Variants in SLC3A1 observed in about 807,000 individuals in gnomAD.
The protein encoded by SLC3A1 is solute carrier family 3 member 1.
SLC3A1 carries 78 observed loss-of-function variants against 60.3 expected under a neutral mutation model. The observed-to-expected ratio is 1.29, with a 90% CI of 1.08 to 1.56. The LOEUF (loss-of-function observed/expected upper bound fraction) is 1.56, where lower values mean the gene tolerates loss of function less well. Among genes scored for constraint, SLC3A1 ranks in the 40% most tolerant of loss-of-function variants. The probability of loss-of-function intolerance (pLI) is 0.00; values close to 1 mark genes in which losing one functional copy is unlikely to be tolerated. For missense variants in SLC3A1, 1,172 were observed against 858.9 expected, an observed-to-expected ratio of 1.36 and a Z score of -4.56; for synonymous variants, 392 against 307.9, an observed-to-expected ratio of 1.27 and a Z score of -2.86.
intron 7 of SLC3A1, among the ~76,000 whole-genome samples, chr2:44,305,242 G>A (rs1463346269): frequency 6.6e-6 from 1 of 152,160 alleles, no homozygotes; most frequent in East Asian, 1.9e-4. Flanking sequence ...ACCCATCAGG[G>A]TTGCTTTCCC....
rs766610527 is a variant in SLC3A1, at chr2:44,275,613, T to G, written c.78T>G (p.His26Gln). Residue 26 changes from histidine (H) to glutamine (Q), a missense_variant, in exon 1 of 10, where the codon CAT becomes CAG. Physicochemically the swap from His to Gln is conservative, Grantham distance 24. Transcript: ENST00000260649. ...KGCQTNNGFV[H>Q]NEDILEQTPD... ...GCCAGACAAACAACGGGTTTGTCCA[T>G]AATGAAGACATTCTGGAGCAGACCC... is the stretch of plus-strand genomic sequence containing the variant. 6.2e-7 allele frequency: 1 copy of G among 1,613,852 alleles called. No homozygotes were observed. Among genetic ancestry groups the G allele is most frequent in the African/African-American group, 1.3e-5 (1 of 75,038 alleles).
intron 2 of SLC3A1, among the ~76,000 whole-genome samples, chr2:44,281,155 C>G (rs948524702): frequency 4.0e-5 from 5 of 125,580 alleles, no homozygotes; most frequent in Non-Finnish European, 8.0e-5. Context: ...CTCTCCTTTC[C>G]CTGCTTTTTT....
At chr2:44,281,203 G>C (rs1399383251) in intron 2 of SLC3A1, among the ~76,000 whole-genome samples, 184 bp from the exon 3 acceptor site, 4 of 119,830 alleles carry the variant, frequency 3.3e-5, no homozygotes, top group African/African-American at 1.3e-4. Context: ...CTGTCTCCCA[G>C]GCTGGAGTGC....
chr2:44,306,090 T>G (rs1054753521), intron 7 of SLC3A1, among the ~76,000 whole-genome samples: 1 of 152,136 alleles, frequency 6.6e-6, no homozygotes, highest in Non-Finnish European at 1.5e-5. Flanking sequence ...CTGGTGCTGT[T>G]GTTATTCGTA....
intron 4 of SLC3A1, among the ~76,000 whole-genome samples, chr2:44,288,241 G>C (rs1054678435): frequency 7.9e-5 from 12 of 152,148 alleles, no homozygotes; most frequent in Admixed American, 4.6e-4. Flanking sequence ...GGCCAGGCTG[G>C]TCTCAAACTC....
At position 44,304,288 on chromosome 2, in the gene SLC3A1, A is replaced by C. The variant is rs774182830; in HGVS notation, c.1282A>C (p.Ile428Leu). 6.2e-7 allele frequency: 1 copy of C among 1,614,224 alleles called. No homozygotes were observed. The highest frequency in any genetic ancestry group is 1.7e-5 in the Admixed American group (1 of 60,026). The change falls in exon 7 of 10, where the codon ATC becomes CTC. Residue 428 changes from isoleucine (I) to leucine (L), a missense_variant. Ile to Leu is a conservative substitution (Grantham distance 5). Coordinates refer to ENST00000260649, the MANE Select transcript of SLC3A1 (RefSeq NM_000341.4). ...TVSGNSVYEV[I>L]TSWMENMPEG... is the part of the protein sequence containing the mutation. ...TTCTGGGAACAGCGTGTATGAGGTT[A>C]TCACATCCTGGATGGAAAACATGCC...
downstream of SLC3A1, among the ~76,000 whole-genome samples, chr2:44,322,350 TGGGCACTGATGG>T (rs1673057374): frequency 6.6e-6 from 1 of 152,184 alleles, no homozygotes; most frequent in African/African-American, 2.4e-5. Context: ...CTAAACAGTT[TGGGCACTGATGG>T]CCCAAAACAA....
chr2:44,312,478 G>T, intron 7 of SLC3A1, 108 bp from the exon 8 acceptor site: 1 of 1,185,608 alleles, frequency 8.4e-7, no homozygotes, highest in Non-Finnish European at 1.3e-6. Context: ...TAGTACCAAG[G>T]TACCACATCT....
chr2:44,309,174 A>G (rs1456798166), intron 7 of SLC3A1, among the ~76,000 whole-genome samples: 1 of 152,194 alleles, frequency 6.6e-6, no homozygotes, highest in Non-Finnish European at 1.5e-5. Context: ...AACTTTTATC[A>G]TCCCAAACAG....
At chr2:44,282,431 C>A (rs930786677) in intron 3 of SLC3A1, among the ~76,000 whole-genome samples, 1 of 151,978 alleles carries the variant, frequency 6.6e-6, no homozygotes, top group African/African-American at 2.4e-5. Context: ...GCAGCAAACT[C>A]GACTTCACAG....
In SLC3A1 at chr2:44,320,573, T is replaced by C. The variant is rs761263537; in HGVS notation, c.1992T>C (p.Asp664=). The part of the protein sequence containing the change: ...NLLHRQTAFR[D]RCFVSNRACY... The stretch of plus-strand genomic sequence containing the variant: ...TTCATCGCCAAACAGCTTTCAGAGA[T>C]AGATGCTTTGTTTCCAATCGAGCAT... Residue 664 remains aspartate (D), a synonymous_variant, in exon 10 of 10, where the codon GAT becomes GAC. Transcript: ENST00000260649. 5.0e-6 allele frequency: 8 copies of C among 1,613,968 alleles called. No homozygotes were observed. In the African/African-American group the frequency reaches 5.3e-5, roughly 11 times the overall value.
Position 44,321,167 on chromosome 2 carries a change from G to A in SLC3A1, c.*528G>A. ...ATTACTTTCCTAGGTTAATGGGCAT[G>A]TGCATCAATGGAGAGAATAGTATAA... On this transcript the variant is annotated 3_prime_UTR_variant, in exon 10 of 10. Coordinates refer to ENST00000260649, the MANE Select transcript of SLC3A1 (RefSeq NM_000341.4). 1 of 577,962 alleles carries A rather than the reference G, an allele frequency of 1.7e-6. No individual in the cohort carries two copies. Among genetic ancestry groups the A allele is most frequent in the Non-Finnish European group, 3.1e-6 (1 of 320,902 alleles). 35.8% of individuals were successfully genotyped at this position (577,962 alleles called of 1,614,324 possible). A position where few individuals can be genotyped will look rare whatever the true frequency, so the allele number is the denominator to read the frequency against.
intron 1 of SLC3A1, among the ~76,000 whole-genome samples, chr2:44,279,522 TC>T (rs1671442158): frequency 6.6e-6 from 1 of 152,214 alleles, no homozygotes; most frequent in East Asian, 1.9e-4. Context: ...TTCAGTCTGA[TC>T]ATCATCCCAC....
At chr2:44,318,591 TAA>T (rs1672635066) in intron 9 of SLC3A1, 1 of 152,654 alleles carries the variant, frequency 6.6e-6, no homozygotes, top group African/African-American at 2.4e-5. Flanking sequence ...GAAAAATATA[TAA>T]ACATATGAAA....
rs3074477 is a variant in SLC3A1, at chr2:44,314,592, C to CCACACA, written c.1617+653_1617+658dup. The CCACACA allele has an allele frequency of 1.5e-3, 228 of 155,190 alleles. 1 individual carries two copies. The highest frequency in any genetic ancestry group is 5.1e-3 in the African/African-American group (210 of 41,276). 9.6% of individuals were successfully genotyped at this position (155,190 alleles called of 1,614,324 possible). ...GTTAAGAAATGCATAGCACCCTCTG[C>CCACACA]CACACACACACACACACCATGCCCA... On this transcript the variant is annotated intron_variant, in intron 9 of 9. Transcript: ENST00000260649.
chr2:44,310,283 C>T lies in SLC3A1; in HGVS notation c.1333-2303C>T, dbSNP rs567562792. Among the ~76,000 whole-genome samples, 105 of 152,302 alleles carry T rather than the reference C, an allele frequency of 6.9e-4. 2 individuals carry two copies. The South Asian group carries it at 8.3e-3, about 12-fold the overall frequency. ...GTTTTACATTCCCATCAGCCATGTA[C>T]GAAGGTTCCAATTTCTTTTCATCCT... On this transcript the variant is annotated intron_variant, in intron 7 of 9. Transcript: ENST00000260649.
At chr2:44,308,190 T>TCTCAGTTC (rs373455816) in intron 7 of SLC3A1, among the ~76,000 whole-genome samples, 4 of 152,294 alleles carry the variant, frequency 2.6e-5, no homozygotes, top group African/African-American at 9.6e-5. Flanking sequence ...ATTTCCAGAC[T>TCTCAGTTC]CTCAGTTCTG....
In SLC3A1 at chr2:44,300,893, C is replaced by T. The variant is rs572476436; in HGVS notation, c.1012-110C>T. On this transcript the variant is annotated intron_variant, in intron 5 of 9. Transcript: ENST00000260649. ...ATCCACAAAACCATGTTTGAGTGTG[C>T]GTCTCGCTTGGCTTGAGCCCTTTGA... The T allele has an allele frequency of 2.7e-4, 333 of 1,216,756 alleles. 5 individuals carry two copies. In the South Asian group the frequency reaches 3.9e-3, roughly 14 times the overall value. The allele number at this position is 1,216,756 out of a possible 1,614,324, so 75.4% of individuals were successfully genotyped here.
chr2:44,321,099 C>G lies in SLC3A1; in HGVS notation c.*460C>G, dbSNP rs1672900478. 2.2e-6 allele frequency: 1 copy of G among 449,998 alleles called. No homozygotes were observed. The highest frequency in any genetic ancestry group is 2.0e-5 in the African/African-American group (1 of 50,568). 27.9% of individuals were successfully genotyped at this position (449,998 alleles called of 1,614,324 possible). ...GGAGCTCTGCTATCACCAATCCTTC[C>G]CTTCCCTCTACTCCACATCCTTCTA... On this transcript the variant is annotated 3_prime_UTR_variant, in exon 10 of 10. Transcript: ENST00000260649.
Sources: gnomAD v4.1 joint callset for allele counts (sites outside exome capture counted in the v4.1 genomes callset) on GRCh38, gnomAD v4.1.1 for gene constraint, MANE v1.5 for transcripts, NCBI Gene and HGNC (gene_info 2026-07-23, HGNC 2026-07-21) for gene names.